The following RBFOX1 variants were observed in gnomAD, a reference collection of about 807,000 sequenced individuals.
RBFOX1 encodes the protein RNA binding fox-1 homolog 1.
A neutral mutation model predicts 57.7 loss-of-function variants in RBFOX1; 8 were observed. That is an observed-to-expected ratio of 0.14 (90% CI 0.08 to 0.25). RBFOX1 has a LOEUF of 0.25. Among genes scored for constraint, RBFOX1 ranks in the 10% least tolerant of loss-of-function variants. The pLI is 1.00. For synonymous variants in RBFOX1, 326 were observed against 222.4 expected (o/e 1.47, Z -4.15); for missense variants, 611 against 548.5 (o/e 1.11, Z -1.14).
At chr16:5,910,213 A>C (rs2058572417) in intron 4 of RBFOX1, among the ~76,000 whole-genome samples, 1 of 152,062 alleles carries the variant, frequency 6.6e-6, no homozygotes, top group Non-Finnish European at 1.5e-5. Context: ...TCAGAATGAG[A>C]AGGGAACTAA....
At chr16:7,497,555 C>T (rs2069092333) in intron 4 of RBFOX1, among the ~76,000 whole-genome samples, 1 of 152,136 alleles carries the variant, frequency 6.6e-6, no homozygotes, top group African/African-American at 2.4e-5. Flanking sequence ...GGACTATTTT[C>T]TTATCTCTGA....
intron 4 of RBFOX1, among the ~76,000 whole-genome samples, chr16:5,918,007 T>C (rs2058745883): frequency 6.6e-6 from 1 of 152,182 alleles, no homozygotes; most frequent in African/African-American, 2.4e-5. Flanking sequence ...AGAGTGCAGC[T>C]TGATCCTCGC....
At chr16:7,224,994 C>A (rs187822096) in intron 4 of RBFOX1, among the ~76,000 whole-genome samples, 5 of 152,174 alleles carry the variant, frequency 3.3e-5, no homozygotes, top group African/African-American at 1.2e-4. Context: ...ATGTGTCAAG[C>A]ACTATGCTAA....
chr16:6,507,507 C>CAAAA (rs57685233), intron 2 of RBFOX1, among the ~76,000 whole-genome samples: 1,944 of 97,138 alleles, frequency 0.02, 144 homozygotes, highest in East Asian at 0.096. Context: ...CCTATCTGTA[C>CAAAA]AAAAAAAAAA....
intron 2 of RBFOX1, among the ~76,000 whole-genome samples, chr16:5,548,855 G>C (rs144590185): frequency 2.2e-4 from 34 of 152,214 alleles, no homozygotes; most frequent in African/African-American, 7.9e-4. Flanking sequence ...GTGAGAGAAG[G>C]CTGGGGCCAA....
Position 6,893,338 on chromosome 16 carries a change from A to C in RBFOX1, c.-15-158719A>C, listed in dbSNP as rs563261923. On this transcript the variant is annotated intron_variant, in intron 3 of 15. Coordinates refer to ENST00000550418, the MANE Select transcript of RBFOX1 (RefSeq NM_018723.4). ...CCTAGAGATCAAACTCATATAGGTC[A>C]TCTAAAAATACACGATCAAGTCACA... Among the ~76,000 whole-genome samples the C allele has an allele frequency of 2.6e-5, 4 of 152,334 alleles. No individual in the cohort carries two copies. The East Asian group carries it at 7.7e-4, about 29-fold the overall frequency.
intron 5 of RBFOX1, among the ~76,000 whole-genome samples, chr16:7,546,480 G>T (rs1006121538): frequency 2.0e-5 from 3 of 152,126 alleles, no homozygotes; most frequent in African/African-American, 7.2e-5. Context: ...ATTCAATATA[G>T]AAAATATAGT....
rs1372999848 is a variant in RBFOX1, at chr16:6,677,915, A to G, written c.-16+23265A>G. Among the ~76,000 whole-genome samples the G allele has an allele frequency of 3.9e-5, 6 of 152,354 alleles. No individual in the cohort carries two copies. In the South Asian group the frequency reaches 1.2e-3, roughly 32 times the overall value. Reference sequence around the variant, plus strand: ...GCAATTTTTGTTTATTACTAAAGTGATTAATCAGTAAGGAACCATAAAGAA... The same window carrying G: ...GCAATTTTTGTTTATTACTAAAGTGGTTAATCAGTAAGGAACCATAAAGAA... On this transcript the variant is annotated intron_variant, in intron 3 of 15. Transcript: ENST00000550418.
chr16:6,409,208 GT>G, intron 2 of RBFOX1, among the ~76,000 whole-genome samples: 1 of 152,180 alleles, frequency 6.6e-6, no homozygotes, highest in Non-Finnish European at 1.5e-5. Flanking sequence ...GAGGTCAGGA[GT>G]TTGAGACCAG....
At chr16:5,312,075 C>G (rs2064106261) in intron 1 of RBFOX1, among the ~76,000 whole-genome samples, 1 of 152,164 alleles carries the variant, frequency 6.6e-6, no homozygotes, top group Non-Finnish European at 1.5e-5. Context: ...GAATGAAACC[C>G]CATATGTATT....
intron 2 of RBFOX1, among the ~76,000 whole-genome samples, chr16:6,476,486 G>A (rs189953051): frequency 1.3e-5 from 2 of 152,268 alleles, no homozygotes; most frequent in Non-Finnish European, 1.5e-5. Flanking sequence ...CCATACTGTA[G>A]TCTATTAAGT....
chr16:7,163,712 A>C (rs2078865803), intron 4 of RBFOX1, among the ~76,000 whole-genome samples: 1 of 152,050 alleles, frequency 6.6e-6, no homozygotes, highest in African/African-American at 2.4e-5. Context: ...GCTGGAGTGC[A>C]GTGGTGCAAT....
intron 1 of RBFOX1, among the ~76,000 whole-genome samples, chr16:5,251,478 A>T (rs1331585220): frequency 1.3e-5 from 2 of 152,002 alleles, no homozygotes; most frequent in East Asian, 3.8e-4. Context: ...GCCCAGAGCC[A>T]CCCCTAGTAC....
chr16:7,468,453 G>A (rs2150823134), intron 4 of RBFOX1, among the ~76,000 whole-genome samples: 1 of 142,216 alleles, frequency 7.0e-6, no homozygotes, highest in Middle Eastern at 3.6e-3. Context: ...GTCACTCGGA[G>A]GGTGTTTTTT....
At chr16:6,716,560 T>G (rs2154156796) in intron 3 of RBFOX1, among the ~76,000 whole-genome samples, 1 of 152,372 alleles carries the variant, frequency 6.6e-6, no homozygotes, top group East Asian at 1.9e-4. Flanking sequence ...TTCCATCTTC[T>G]TGGAATGGAA....
chr16:7,662,608 C>G (rs991928191), intron 12 of RBFOX1, among the ~76,000 whole-genome samples: 1 of 152,174 alleles, frequency 6.6e-6, no homozygotes. Context: ...TGCAACGAGT[C>G]ACATGCACAC....
intron 2 of RBFOX1, among the ~76,000 whole-genome samples, chr16:6,601,980 CTTGT>C (rs2097858810): frequency 6.6e-6 from 1 of 151,846 alleles, no homozygotes; most frequent in African/African-American, 2.4e-5. Flanking sequence ...ACTCTTCTCT[CTTGT>C]CAGGTAGGAC....
chr16:6,911,263 G>A (rs1052435899), intron 3 of RBFOX1, among the ~76,000 whole-genome samples: 1 of 151,502 alleles, frequency 6.6e-6, no homozygotes, highest in African/African-American at 2.4e-5. Context: ...AGTTTCCCAG[G>A]ACTGCTATAA....
At chr16:7,029,057 TATATATATATATATATATATATATAC>T (rs1185149568) in intron 3 of RBFOX1, among the ~76,000 whole-genome samples, 7 of 21,580 alleles carry the variant, frequency 3.2e-4, no homozygotes, top group African/African-American at 1.8e-3. Context: ...TATATATATA[TATATATATATATATATATATATATAC>T]ACACACACAC....
Sources: gnomAD v4.1 joint callset for allele counts (sites outside exome capture counted in the v4.1 genomes callset) on GRCh38, gnomAD v4.1.1 for gene constraint, MANE v1.5 for transcripts, NCBI Gene and HGNC (gene_info 2026-07-23, HGNC 2026-07-21) for gene names.